The following RABGAP1L variants were observed in gnomAD, a reference collection of about 807,000 sequenced individuals.
The protein encoded by RABGAP1L is rab GTPase-activating protein 1-like.
A neutral mutation model predicts 137.7 loss-of-function variants in RABGAP1L; 63 were observed. The ratio of observed to expected loss-of-function variants is 0.46; its 90% CI spans 0.37 to 0.56. RABGAP1L has a LOEUF of 0.56. Ranked by LOEUF, RABGAP1L falls within the 20% of genes least tolerant of loss-of-function variation. The probability of loss-of-function intolerance (pLI) is 0.00; values close to 1 mark genes in which losing one functional copy is unlikely to be tolerated. For synonymous variants in RABGAP1L, 431 were observed against 433.7 expected (o/e 0.99, Z 0.08); for missense variants, 1,095 against 1,244.0 (o/e 0.88, Z 1.80).
intron 13 of RABGAP1L, among the ~76,000 whole-genome samples, chr1:174,601,960 A>G (rs1452085938): frequency 6.6e-6 from 1 of 152,124 alleles, no homozygotes; most frequent in Non-Finnish European, 1.5e-5. Context: ...AGACCACGTA[A>G]GCCTGGACCT....
At chr1:174,257,235 G>T (rs1393461500) in intron 7 of RABGAP1L, among the ~76,000 whole-genome samples, 1 of 152,126 alleles carries the variant, frequency 6.6e-6, no homozygotes, top group Non-Finnish European at 1.5e-5. Flanking sequence ...CACAGACAAA[G>T]AAGTACTAGG....
intron 1 of RABGAP1L, among the ~76,000 whole-genome samples, chr1:174,180,591 A>G (rs1666272808): frequency 6.6e-6 from 1 of 152,076 alleles, no homozygotes; most frequent in Non-Finnish European, 1.5e-5. Flanking sequence ...TAGCCTCCCA[A>G]GTGGCTGGGA....
At chr1:174,269,376 T>G (rs944914973) in intron 7 of RABGAP1L, among the ~76,000 whole-genome samples, 2 of 152,264 alleles carry the variant, frequency 1.3e-5, no homozygotes, top group Non-Finnish European at 2.9e-5. Flanking sequence ...AGGGAGCTTA[T>G]AGTCTTTTAC....
intron 10 of RABGAP1L, among the ~76,000 whole-genome samples, chr1:174,286,758 T>A (rs1248853562): frequency 6.6e-6 from 1 of 152,142 alleles, no homozygotes; most frequent in East Asian, 1.9e-4. Flanking sequence ...ATTTCCATTT[T>A]GTTTTGTCTT....
chr1:174,427,980 G>A (rs533658416), intron 13 of RABGAP1L, among the ~76,000 whole-genome samples: 13 of 152,208 alleles, frequency 8.5e-5, no homozygotes, highest in African/African-American at 2.9e-4. Flanking sequence ...AAATTATTTC[G>A]GGTCCCTGCA....
intron 19 of RABGAP1L, among the ~76,000 whole-genome samples, chr1:174,952,530 T>A (rs185396789): frequency 6.6e-6 from 1 of 151,882 alleles, no homozygotes; most frequent in Non-Finnish European, 1.5e-5. Context: ...AAAATGATGA[T>A]TGAGTTTGAT....
chr1:174,599,628 A>G (rs2148164536), intron 13 of RABGAP1L, among the ~76,000 whole-genome samples: 1 of 151,996 alleles, frequency 6.6e-6, no homozygotes, highest in Non-Finnish European at 1.5e-5. Flanking sequence ...TTTTTCCTTC[A>G]GCACTTAAAA....
At chr1:174,782,046 CG>C (rs1219019684) in intron 18 of RABGAP1L, among the ~76,000 whole-genome samples, 8 of 152,080 alleles carry the variant, frequency 5.3e-5, no homozygotes, top group African/African-American at 1.9e-4. Flanking sequence ...CTTGGCGATG[CG>C]GGCTCTTTTT....
chr1:174,487,408 T>C (rs1659777656), intron 13 of RABGAP1L, among the ~76,000 whole-genome samples: 1 of 152,210 alleles, frequency 6.6e-6, no homozygotes, highest in South Asian at 2.1e-4. Context: ...TATAGTTTTG[T>C]CTTGAAATCT....
chr1:174,556,019 A>G (rs1271473183), intron 13 of RABGAP1L, among the ~76,000 whole-genome samples: 2 of 130,772 alleles, frequency 1.5e-5, no homozygotes, highest in African/African-American at 5.8e-5. Context: ...TTTTTTTAAG[A>G]TGGAATCTTG....
chr1:174,589,223 A>G (rs1376155885), intron 13 of RABGAP1L, among the ~76,000 whole-genome samples: 1 of 152,148 alleles, frequency 6.6e-6, no homozygotes, highest in Non-Finnish European at 1.5e-5. Context: ...ACTTTTTTAT[A>G]TACCTGTTTG....
chr1:174,204,994 G>A (rs116408699), intron 1 of RABGAP1L, among the ~76,000 whole-genome samples: 9,206 of 152,186 alleles, frequency 0.06, 969 homozygotes, highest in African/African-American at 0.21. Context: ...CCCAGTCATG[G>A]GTAGTTCTTT....
intron 13 of RABGAP1L, among the ~76,000 whole-genome samples, chr1:174,478,769 C>T (rs989810527): frequency 6.6e-6 from 1 of 152,128 alleles, no homozygotes; most frequent in Non-Finnish European, 1.5e-5. Flanking sequence ...CAAACCGTTG[C>T]TACCTATGAA....
At chr1:174,965,020 C>A (rs1206662540) in intron 20 of RABGAP1L, 2 of 1,364,260 alleles carry the variant, frequency 1.5e-6, no homozygotes, top group Admixed American at 2.2e-5. Context: ...ATGTCTGTAA[C>A]ATCAGTGTCT....
intron 13 of RABGAP1L, among the ~76,000 whole-genome samples, chr1:174,440,972 GT>G (rs1654064701): frequency 6.6e-6 from 1 of 151,928 alleles, no homozygotes; most frequent in Admixed American, 6.6e-5. Context: ...TGGCTTTGCT[GT>G]TTAAGTTCTA....
At chr1:174,794,354 A>G (rs1387333095) in intron 18 of RABGAP1L, among the ~76,000 whole-genome samples, 2 of 152,172 alleles carry the variant, frequency 1.3e-5, no homozygotes, top group Non-Finnish European at 2.9e-5. Context: ...TCTAAACCCT[A>G]ACCCAGATAA....
intron 13 of RABGAP1L, among the ~76,000 whole-genome samples, chr1:174,566,217 C>T (rs561695677): frequency 6.6e-6 from 1 of 152,142 alleles, no homozygotes; most frequent in African/African-American, 2.4e-5. Flanking sequence ...TTCCAATTTG[C>T]TGTTTGTCAG....
At chr1:174,786,272 G>A (rs1381037952) in intron 18 of RABGAP1L, among the ~76,000 whole-genome samples, 1 of 152,134 alleles carries the variant, frequency 6.6e-6, no homozygotes, top group Non-Finnish European at 1.5e-5. Flanking sequence ...TATTAGTTTA[G>A]GTTCATGTGG....
At chr1:174,790,428 A>T (rs1687763135) in intron 18 of RABGAP1L, among the ~76,000 whole-genome samples, 2 of 152,110 alleles carry the variant, frequency 1.3e-5, no homozygotes, top group Non-Finnish European at 2.9e-5. Flanking sequence ...GTTCGAGACC[A>T]GCCTGACCAA....
Sources: allele counts gnomAD v4.1 joint callset (sites outside exome capture counted in the v4.1 genomes callset), GRCh38; gene constraint gnomAD v4.1.1; transcripts MANE v1.5; gene names NCBI Gene and HGNC (gene_info 2026-07-23, HGNC 2026-07-21).